The following FGFR4 variants were observed in gnomAD, a reference collection of about 807,000 sequenced individuals.
FGFR4 encodes the protein fibroblast growth factor receptor 4, also known as hydroxyaryl-protein kinase.
Under a neutral mutation model 89.9 loss-of-function variants are expected in FGFR4, and 63 were observed. The observed-to-expected ratio is 0.70, with a 90% CI of 0.57 to 0.86. The LOEUF is 0.86. Among genes scored for constraint, FGFR4 ranks in the 40% least tolerant of loss-of-function variants. The pLI, the probability that FGFR4 is intolerant of heterozygous loss-of-function variation, is 0.00. For missense variants in FGFR4, 928 were observed against 1,106.7 expected (o/e 0.84, Z 2.29); for synonymous variants, 486 against 479.4 (o/e 1.01, Z -0.18).
Position 177,095,770 on chromosome 5 carries a change from C to G in FGFR4, c.1821+47C>G. The stretch of plus-strand genomic sequence containing the variant: ...GCCCCTCTCAGTCTCTCCAGCTCCA[C>G]TCTCAGGCCTGTGGCATTCAATGTC... On this transcript the variant is annotated intron_variant, in intron 13 of 17. Coordinates refer to ENST00000292408, the MANE Select transcript of FGFR4 (RefSeq NM_213647.3). This position sits in a 1 kb window ranked among gnomAD's most constrained non-coding sequence, Gnocchi z 5.7. The G allele has an allele frequency of 6.7e-7, 1 of 1,491,874 alleles. No homozygotes were observed. The highest frequency in any genetic ancestry group is 8.9e-7 in the Non-Finnish European group (1 of 1,117,956). 92.4% of individuals were successfully genotyped at this position (1,491,874 alleles called of 1,614,324 possible). A position where few individuals can be genotyped will look rare whatever the true frequency, so the allele number is the denominator to read the frequency against.
At position 177,095,749 on chromosome 5, in the gene FGFR4, C is replaced by G. The variant is rs769694270; in HGVS notation, c.1821+26C>G. 6 of 1,543,826 alleles carry G rather than the reference C, an allele frequency of 3.9e-6. No individual in the cohort carries two copies. Among genetic ancestry groups the G allele is most frequent in the South Asian group, 1.2e-5 (1 of 81,222 alleles). ...GTACAGGCGCTAGGGCTCTGAGCCC[C>G]TCTCAGTCTCTCCAGCTCCACTCTC... On this transcript the variant is annotated intron_variant, in intron 13 of 17. Coordinates refer to ENST00000292408, the MANE Select transcript of FGFR4 (RefSeq NM_213647.3). This position sits in a 1 kb window ranked among gnomAD's most constrained non-coding sequence, Gnocchi z 5.7.
In FGFR4 at chr5:177,093,609, C is replaced by T; in HGVS notation, c.1398-45C>T. The T allele has an allele frequency of 6.2e-7, 1 of 1,613,648 alleles. No homozygotes were observed. The highest frequency in any genetic ancestry group is 1.1e-5 in the South Asian group (1 of 91,048). ...GCGCCGGGTTGCAGCCCGCCCTCCG[C>T]AGGAGTGACTCGGAGGTCTGAGGCT... On this transcript the variant is annotated intron_variant, in intron 10 of 17. Coordinates refer to ENST00000292408, the MANE Select transcript of FGFR4 (RefSeq NM_213647.3). This position sits in a 1 kb window ranked among gnomAD's most constrained non-coding sequence, Gnocchi z 5.8.
chr5:177,092,348 A>G lies in FGFR4; in HGVS notation c.755A>G (p.Gln252Arg), dbSNP rs1407426758. Residue 252 changes from glutamine to arginine, a missense_variant, in exon 7 of 18, where the codon CAG (glutamine) becomes CGG (arginine). By Grantham distance (43) the Gln-to-Arg change is conservative. Coordinates refer to ENST00000292408, the MANE Select transcript of FGFR4 (RefSeq NM_213647.3). ...LERSPHRPILQAGLPANTTAV... is the reference protein window; with the variant it reads ...LERSPHRPILRAGLPANTTAV... ...CGGTCCCCGCACCGGCCCATCCTGC[A>G]GGCCGGGCTCCCGGCCAACACCACA... 2 of 1,595,454 alleles carry G rather than the reference A, an allele frequency of 1.3e-6. No individual in the cohort carries two copies. Among genetic ancestry groups the G allele is most frequent in the Non-Finnish European group, 1.7e-6 (2 of 1,167,300 alleles).
chr5:177,093,234 T>A lies in FGFR4; in HGVS notation c.1154T>A (p.Leu385Gln). Residue 385 changes from leucine (L) to glutamine (Q), a missense_variant, in exon 9 of 18, where the codon CTG becomes CAG. Coordinates refer to ENST00000292408, the MANE Select transcript of FGFR4 (RefSeq NM_213647.3). This position sits in a 1 kb window ranked among gnomAD's most constrained non-coding sequence, Gnocchi z 5.8. ...SGSLALAVLL[L>Q]LAGLYRGQAL... ...TCCCTGGCCTTGGCTGTGCTCCTGCTGCTGGCCGGGCTGTATCGAGGGCAG... is the reference window on the plus strand; with the variant it reads ...TCCCTGGCCTTGGCTGTGCTCCTGCAGCTGGCCGGGCTGTATCGAGGGCAG... The A allele has an allele frequency of 6.2e-7, 1 of 1,612,648 alleles. No homozygotes were observed. Among genetic ancestry groups the A allele is most frequent in the Non-Finnish European group, 8.5e-7 (1 of 1,179,030 alleles).
Position 177,090,283 on chromosome 5 carries a change from T to C in FGFR4, c.92-107T>C, listed in dbSNP as rs149131569. The C allele has an allele frequency of 1.3e-3, 1,989 of 1,527,534 alleles. 22 individuals are homozygous for C. In the African/African-American group the frequency reaches 0.013, roughly 10 times the overall value. 94.6% of individuals were successfully genotyped at this position (1,527,534 alleles called of 1,614,324 possible). A position where few individuals can be genotyped will look rare whatever the true frequency, so the allele number is the denominator to read the frequency against. The stretch of plus-strand genomic sequence containing the variant: ...TCAAGGAGTGGTGGCTCCTTCAGCA[T>C]GCGTTGCAAAGTGCTTGTGCCCTGC... On this transcript the variant is annotated intron_variant, in intron 2 of 17. Transcript: ENST00000292408.
Position 177,089,562 on chromosome 5 carries a change from T to A in FGFR4, c.-41T>A. 2 of 1,589,154 alleles carry A rather than the reference T, an allele frequency of 1.3e-6. No individual in the cohort carries two copies. Among genetic ancestry groups the A allele is most frequent in the Non-Finnish European group, 1.7e-6 (2 of 1,166,926 alleles). ...CTCCCTATTTTAGGAAGGCAGTTGG[T>A]GGGAAGTCCAGCTTGGGTCCCTGAG... On this transcript the variant is annotated 5_prime_UTR_variant, in exon 2 of 18. Transcript: ENST00000292408.
intron 16 of FGFR4, 113 bp downstream of exon 16, chr5:177,096,854 G>A (rs976310620): frequency 6.7e-5 from 72 of 1,081,988 alleles, no homozygotes; most frequent in South Asian, 6.1e-4. Flanking sequence ...ACAACTCCTC[G>A]TCCTCCTCCT....
At position 177,096,710 on chromosome 5, in the gene FGFR4, A is replaced by C. The variant is rs1273379308; in HGVS notation, c.2122A>C (p.Met708Leu). The C allele has an allele frequency of 6.3e-7, 1 of 1,596,312 alleles. No homozygotes were observed. The highest frequency in any genetic ancestry group is 1.3e-5 in the African/African-American group (1 of 74,654). ...CTCGCTGCTGCGGGAGGGACATCGG[A>C]TGGACCGACCCCCACACTGCCCCCC... is the stretch of plus-strand genomic sequence containing the variant. ...LFSLLREGHR[M>L]DRPPHCPPEL... Residue 708 changes from methionine (M) to leucine (L), a missense_variant, in exon 16 of 18, where the codon ATG becomes CTG. This residue lies in a region of FGFR4 where 129 missense variants were observed against 150.8 expected (regional missense o/e 0.86). Coordinates refer to ENST00000292408, the MANE Select transcript of FGFR4 (RefSeq NM_213647.3).
In FGFR4 at chr5:177,095,309, C is replaced by A. The variant is rs765441915; in HGVS notation, c.1520-21C>A. On this transcript the variant is annotated intron_variant, in intron 11 of 17. Transcript: ENST00000292408. This position sits in a 1 kb window ranked among gnomAD's most constrained non-coding sequence, Gnocchi z 5.7. Reference sequence around the variant, plus strand: ...GTGCAGTTGGAGGGCAGCCTCTTCACCCCGTCTGCTGCCCTTACAGACAAC... The same window carrying A: ...GTGCAGTTGGAGGGCAGCCTCTTCAACCCGTCTGCTGCCCTTACAGACAAC... 7.5e-6 allele frequency: 12 copies of A among 1,597,948 alleles called. No homozygotes were observed. In the Admixed American group the frequency reaches 2.0e-4, roughly 27 times the overall value.
intron 13 of FGFR4, 44 bp from the exon 14 acceptor site, chr5:177,096,013 C>G: frequency 3.1e-6 from 5 of 1,596,468 alleles, no homozygotes; most frequent in Non-Finnish European, 4.3e-6. Context: ...GTGCTCAACT[C>G]CAGGCCAGGT....
chr5:177,087,585 C>T lies in FGFR4; in HGVS notation c.-54+508C>T, dbSNP rs181935773. ...ACGTGGGGGGTGGTCGGTCAGCGGTCAGCAGCCATGGGTGACTCGACTAAG... is the reference window on the plus strand; with the variant it reads ...ACGTGGGGGGTGGTCGGTCAGCGGTTAGCAGCCATGGGTGACTCGACTAAG... On this transcript the variant is annotated intron_variant, in intron 1 of 17. Transcript: ENST00000292408. The surrounding 1 kb of genome is among the most constrained non-coding windows in gnomAD (Gnocchi z 6.1). The T allele has an allele frequency of 1.6e-4, 153 of 985,502 alleles. 1 individual carries two copies. In the African/African-American group the frequency reaches 2.5e-3, roughly 16 times the overall value. 61.0% of individuals were successfully genotyped at this position (985,502 alleles called of 1,614,324 possible).
At position 177,090,400 on chromosome 5, in the gene FGFR4, G is replaced by T. The variant is rs752966003; in HGVS notation, c.102G>T (p.Leu34=). 1 of 1,602,130 alleles carries T rather than the reference G, an allele frequency of 6.2e-7. No individual in the cohort carries two copies. Among genetic ancestry groups the T allele is most frequent in the Non-Finnish European group, 8.5e-7 (1 of 1,179,926 alleles). ...GCCCTCTGCCCACAGAGCCCTGCCT[G>T]GCTCCCAGCCTGGAGCAGCAAGAGC... ...ASEEVELEPC[L]APSLEQQEQE... The change falls in exon 3 of 18, where the codon CTG becomes CTT. Residue 34 remains leucine, a synonymous_variant. Coordinates refer to ENST00000292408, the MANE Select transcript of FGFR4 (RefSeq NM_213647.3).
chr5:177,091,231 C>G (rs1408334041), intron 5 of FGFR4, 127 bp downstream of exon 5: 1 of 1,229,972 alleles, frequency 8.1e-7, no homozygotes, highest in Non-Finnish European at 1.1e-6. Context: ...CGGAAGGAGC[C>G]CTGGACTGTG....
chr5:177,095,267 C>T lies in FGFR4; in HGVS notation c.1520-63C>T. 1 of 1,350,508 alleles carries T rather than the reference C, an allele frequency of 7.4e-7. No homozygotes were observed. The highest frequency in any genetic ancestry group is 1.1e-6 in the Non-Finnish European group (1 of 941,396). The allele number at this position is 1,350,508 out of a possible 1,614,324, so 83.7% of individuals were successfully genotyped here. ...TCCAGTGCTGCTTGTCCTGCACCTG[C>T]CTCTGCATGCTCCCTCGTGCAGTTG... On this transcript the variant is annotated intron_variant, in intron 11 of 17. Transcript: ENST00000292408. The surrounding 1 kb of genome is among the most constrained non-coding windows in gnomAD (Gnocchi z 5.7).
Position 177,097,808 on chromosome 5 carries a change from C to CA in FGFR4, c.*132_*133insA. 1 of 1,181,020 alleles carries CA rather than the reference C, an allele frequency of 8.5e-7. No individual in the cohort carries two copies. The highest frequency in any genetic ancestry group is 1.2e-6 in the Non-Finnish European group (1 of 864,322). The allele number at this position is 1,181,020 out of a possible 1,614,324, so 73.2% of individuals were successfully genotyped here. ...AGAGTTGCTGTGCCGTGTCCAAGGG[C>CA]CGTGCCCTTGCCCTTGGAGCTGCCG... On this transcript the variant is annotated 3_prime_UTR_variant, in exon 18 of 18. Coordinates refer to ENST00000292408, the MANE Select transcript of FGFR4 (RefSeq NM_213647.3).
chr5:177,095,201 C>T lies in FGFR4; in HGVS notation c.1520-129C>T, dbSNP rs1012520229. On this transcript the variant is annotated intron_variant, in intron 11 of 17. Coordinates refer to ENST00000292408, the MANE Select transcript of FGFR4 (RefSeq NM_213647.3). The surrounding 1 kb of genome is among the most constrained non-coding windows in gnomAD (Gnocchi z 5.7). ...GCTAGGAGACTTTTTCAAGGCCACA[C>T]AGCCTAGCAAGGATTCAGCCCTAGA... 4.0e-6 allele frequency: 3 copies of T among 754,738 alleles called. No homozygotes were observed. Among genetic ancestry groups the T allele is most frequent in the Admixed American group, 4.3e-5 (2 of 46,098 alleles). 46.8% of individuals were successfully genotyped at this position (754,738 alleles called of 1,614,324 possible). A position where few individuals can be genotyped will look rare whatever the true frequency, so the allele number is the denominator to read the frequency against.
At position 177,090,530 on chromosome 5, in the gene FGFR4, C is replaced by T; in HGVS notation, c.232C>T (p.Arg78Cys). 1 of 1,555,764 alleles carries T rather than the reference C, an allele frequency of 6.4e-7. No individual in the cohort carries two copies. Among genetic ancestry groups the T allele is most frequent in the African/African-American group, 1.4e-5 (1 of 73,616 alleles). Reference protein sequence around the residue: ...KEGSRLAPAGRVRGWRGRLEI... With the variant: ...KEGSRLAPAGCVRGWRGRLEI... ...GGGCAGTCGCCTGGCACCTGCTGGC[C>T]GTGTACGGGGCTGGAGGGGCCGCCT... Residue 78 changes from arginine (R) to cysteine (C), a missense_variant, in exon 3 of 18, where the codon CGT becomes TGT. Around this residue, in one of 5 missense-constraint regions of FGFR4, gnomAD observed 741 missense variants for 836.9 expected, o/e 0.89. Coordinates refer to ENST00000292408, the MANE Select transcript of FGFR4 (RefSeq NM_213647.3).
chr5:177,088,303 C>G, intron 1 of FGFR4: 1 of 177,652 alleles, frequency 5.6e-6, no homozygotes, highest in Non-Finnish European at 1.2e-5. Flanking sequence ...CCGCCCACCT[C>G]GGCCTCCCAA....
At position 177,087,547 on chromosome 5, in the gene FGFR4, G is replaced by C. The variant is rs1784193812; in HGVS notation, c.-54+470G>C. ...CAGGACTGTCTGATGCCTAAGGCAG[G>C]CCCTCCATTCCCACGTGGGGGGTGG... On this transcript the variant is annotated intron_variant, in intron 1 of 17. Coordinates refer to ENST00000292408, the MANE Select transcript of FGFR4 (RefSeq NM_213647.3). The surrounding 1 kb of genome is among the most constrained non-coding windows in gnomAD (Gnocchi z 6.1). 1.0e-5 allele frequency: 10 copies of C among 982,296 alleles called. No individual in the cohort carries two copies. In the South Asian group the frequency reaches 4.2e-4, roughly 42 times the overall value. The allele number at this position is 982,296 out of a possible 1,614,324, so 60.8% of individuals were successfully genotyped here. A position where few individuals can be genotyped will look rare whatever the true frequency, so the allele number is the denominator to read the frequency against.
Sources: allele counts gnomAD v4.1 joint callset, GRCh38; gene constraint gnomAD v4.1.1; regional missense constraint gnomAD v4.1.1; non-coding constraint Gnocchi (gnomAD v3.1); transcripts MANE v1.5; gene names NCBI Gene and HGNC (gene_info 2026-07-23, HGNC 2026-07-21).